Variants in CTBP2 observed in about 807,000 individuals in gnomAD.
CTBP2 encodes C-terminal binding protein 2.
Under a neutral mutation model 80.3 loss-of-function variants are expected in CTBP2, and 30 were observed. The ratio of observed to expected loss-of-function variants is 0.37; its 90% CI spans 0.28 to 0.51. CTBP2 has a LOEUF of 0.51. CTBP2 is among the 20% of genes least tolerant of loss of function. The pLI, the probability that CTBP2 is intolerant of heterozygous loss-of-function variation, is 0.93. For missense variants in CTBP2, 1,212 were observed against 1,375.3 expected (o/e 0.88, Z 1.88); for synonymous variants, 594 against 587.4 (o/e 1.01, Z -0.16).
At chr10:125,075,029 A>G (rs555289324) in intron 2 of CTBP2, among the ~76,000 whole-genome samples, 2 of 152,358 alleles carry the variant, frequency 1.3e-5, no homozygotes, top group South Asian at 4.1e-4. Flanking sequence ...CCAAACTTTT[A>G]AAAGAAAACA....
In CTBP2 at chr10:125,026,477, G is replaced by A; in HGVS notation, c.1283C>T (p.Thr428Ile). ...GTTGGAGGGGAAGTGTGGGGCATGG[G>A]TGCCCACGCCAGGGGCAGAATAGGT... is the stretch of plus-strand genomic sequence containing the variant. Residue 428 changes from threonine (T) to isoleucine (I), a missense_variant, in exon 1 of 9, where the codon ACC becomes ATC. By Grantham distance (89) the Thr-to-Ile change is moderately conservative. Transcript: ENST00000309035. 4 of 1,600,976 alleles carry A rather than the reference G, an allele frequency of 2.5e-6. No individual in the cohort carries two copies. Among genetic ancestry groups the A allele is most frequent in the Non-Finnish European group, 3.4e-6 (4 of 1,171,022 alleles).
chr10:125,125,323 G>C (rs982775657), intron 1 of CTBP2, among the ~76,000 whole-genome samples: 13 of 152,024 alleles, frequency 8.6e-5, no homozygotes, highest in African/African-American at 3.1e-4. Flanking sequence ...TAAACACAGA[G>C]CTTAGATATA....
intron 2 of CTBP2, among the ~76,000 whole-genome samples, chr10:125,110,722 A>G (rs1852165827): frequency 1.3e-5 from 2 of 152,148 alleles, no homozygotes; most frequent in African/African-American, 4.8e-5. Context: ...ATTTCCGTTG[A>G]CTTATCTCTA....
At chr10:125,137,142 GA>G (rs1857096115) in intron 1 of CTBP2, among the ~76,000 whole-genome samples, 1 of 152,230 alleles carries the variant, frequency 6.6e-6, no homozygotes, top group South Asian at 2.1e-4. Flanking sequence ...AATTCGCCAA[GA>G]TACTGAAAGC....
chr10:125,101,050 C>T (rs779526211), intron 2 of CTBP2, among the ~76,000 whole-genome samples: 2 of 152,180 alleles, frequency 1.3e-5, no homozygotes, highest in African/African-American at 2.4e-5. Flanking sequence ...GAAAAGATTA[C>T]ACGATCCAGG....
At position 125,024,486 on chromosome 10, in the gene CTBP2, C is replaced by T. The variant is rs145380282; in HGVS notation, c.1678+1596G>A. Among the ~76,000 whole-genome samples the T allele has an allele frequency of 1.7e-3, 254 of 152,194 alleles. 1 individual carries two copies. The highest frequency in any genetic ancestry group is 2.7e-3 in the Non-Finnish European group (187 of 68,000). The stretch of plus-strand genomic sequence containing the variant: ...CCCTCACTCCATACCCAAATAATGG[C>T]GAATGTTTTTGTTAAAAGGCAAGTC... On this transcript the variant is annotated intron_variant, in intron 1 of 8. Transcript: ENST00000309035.
chr10:125,083,663 T>A (rs1847524585), intron 2 of CTBP2, among the ~76,000 whole-genome samples: 1 of 152,218 alleles, frequency 6.6e-6, no homozygotes, highest in Non-Finnish European at 1.5e-5. Flanking sequence ...AGGCAGGATC[T>A]CACTCTGCCT....
At chr10:125,087,075 C>CTTTTT in intron 2 of CTBP2, among the ~76,000 whole-genome samples, 1 of 136,558 alleles carries the variant, frequency 7.3e-6, no homozygotes, top group African/African-American at 2.7e-5. Flanking sequence ...CAATTTCTTT[C>CTTTTT]TTTTTTTTTT....
In CTBP2 at chr10:124,985,164, C is replaced by G. The variant is rs766083557; in HGVS notation, c.*4354G>C. Reference sequence around the variant, plus strand: ...CCTTATGGAGATAATGCCTCTGCTGCGTGAGGAGACAGAGAACTTTAGTTG... The same window carrying G: ...CCTTATGGAGATAATGCCTCTGCTGGGTGAGGAGACAGAGAACTTTAGTTG... On this transcript the variant is annotated 3_prime_UTR_variant, in exon 9 of 9. Coordinates refer to ENST00000309035, the MANE Select transcript of CTBP2 (RefSeq NM_022802.3). 1 of 528,564 alleles carries G rather than the reference C, an allele frequency of 1.9e-6. No homozygotes were observed. Among genetic ancestry groups the G allele is most frequent in the Non-Finnish European group, 3.3e-6 (1 of 301,298 alleles). The allele number at this position is 528,564 out of a possible 1,614,324, so 32.7% of individuals were successfully genotyped here.
chr10:125,122,039 A>G (rs1038784431), intron 1 of CTBP2, among the ~76,000 whole-genome samples: 4 of 152,336 alleles, frequency 2.6e-5, no homozygotes, highest in African/African-American at 9.6e-5. Flanking sequence ...TGGCTCCCCA[A>G]AAAGCAAAGG....
At chr10:125,025,530 G>A (rs1957446746) in intron 1 of CTBP2, among the ~76,000 whole-genome samples, 1 of 152,204 alleles carries the variant, frequency 6.6e-6, no homozygotes, top group African/African-American at 2.4e-5. Context: ...ATCTTGCTTT[G>A]TTTAACCCAC....
At chr10:125,100,404 C>G (rs187848277) in intron 2 of CTBP2, among the ~76,000 whole-genome samples, 1 of 152,316 alleles carries the variant, frequency 6.6e-6, no homozygotes, top group African/African-American at 2.4e-5. Flanking sequence ...GGTAATTCCA[C>G]TGTTCCGCTC....
intron 1 of CTBP2, among the ~76,000 whole-genome samples, chr10:125,124,655 C>A (rs1240933074): frequency 6.6e-6 from 1 of 152,202 alleles, no homozygotes; most frequent in African/African-American, 2.4e-5. Flanking sequence ...AAACCAGTGA[C>A]TCTTCCACAC....
intron 1 of CTBP2, among the ~76,000 whole-genome samples, chr10:125,013,575 T>C (rs756053379): frequency 7.9e-5 from 12 of 152,208 alleles, no homozygotes; most frequent in Non-Finnish European, 1.5e-4. Flanking sequence ...CTGAGCATCA[T>C]GACCATGGAA....
At chr10:125,108,128 A>G (rs1851731803) in intron 2 of CTBP2, among the ~76,000 whole-genome samples, 1 of 152,246 alleles carries the variant, frequency 6.6e-6, no homozygotes, top group African/African-American at 2.4e-5. Context: ...AAATAGCAAC[A>G]TACAGAACAG....
chr10:125,033,738 G>T (rs567066552), intron 3 of CTBP2, among the ~76,000 whole-genome samples: 2 of 152,028 alleles, frequency 1.3e-5, no homozygotes, highest in Non-Finnish European at 2.9e-5. Flanking sequence ...CACTGACTTG[G>T]CCTGAAACTA....
At chr10:125,133,834 C>G (rs1419996926) in intron 1 of CTBP2, among the ~76,000 whole-genome samples, 1 of 152,218 alleles carries the variant, frequency 6.6e-6, no homozygotes, top group African/African-American at 2.4e-5. Context: ...ACTGTGAGCT[C>G]TTTAGGGACA....
intron 2 of CTBP2, among the ~76,000 whole-genome samples, chr10:125,078,242 T>C (rs1237759735): frequency 1.4e-5 from 2 of 142,256 alleles, no homozygotes; most frequent in Admixed American, 1.5e-4. Flanking sequence ...ATCGCGCCTC[T>C]GCACTCCAGC....
chr10:125,125,206 C>T (rs1855023847), intron 1 of CTBP2, among the ~76,000 whole-genome samples: 1 of 152,228 alleles, frequency 6.6e-6, no homozygotes, highest in South Asian at 2.1e-4. Flanking sequence ...AATCGTAAGA[C>T]AGCGTTAATC....
Sources: allele counts gnomAD v4.1 joint callset (sites outside exome capture counted in the v4.1 genomes callset), GRCh38; gene constraint gnomAD v4.1.1; transcripts MANE v1.5; gene names NCBI Gene and HGNC (gene_info 2026-07-23, HGNC 2026-07-21).